The following RIMS2 variants were observed in gnomAD, a reference collection of about 807,000 sequenced individuals.
The protein encoded by RIMS2 is regulating synaptic membrane exocytosis 2, also known as regulating synaptic membrane exocytosis protein 2.
Under a neutral mutation model 174.4 loss-of-function variants are expected in RIMS2, and 59 were observed. That is an observed-to-expected ratio of 0.34 (90% CI 0.27 to 0.42). The LOEUF (loss-of-function observed/expected upper bound fraction) is 0.42. RIMS2 is among the 10% of genes least tolerant of loss of function. RIMS2 has a pLI of 1.00. For synonymous variants in RIMS2, 606 were observed against 572.5 expected (o/e 1.06, Z -0.84); for missense variants, 1,620 against 1,666.3 (o/e 0.97, Z 0.48).
At chr8:104,247,570 T>C (rs182199363) in intron 20 of RIMS2, among the ~76,000 whole-genome samples, 152 of 152,240 alleles carry the variant, frequency 1.0e-3, no homozygotes, top group Admixed American at 8.8e-3. Context: ...ATTCAGTCCA[T>C]AACAGAGAGG....
intron 3 of RIMS2, among the ~76,000 whole-genome samples, chr8:103,775,090 G>A (rs527663397): frequency 9.2e-5 from 14 of 152,038 alleles, no homozygotes; most frequent in Admixed American, 9.2e-4. Context: ...TATATTTATA[G>A]AATGCTGATA....
chr8:103,921,821 A>G (rs766623507), intron 10 of RIMS2, 37 bp downstream of exon 13: 2 of 776,868 alleles, frequency 2.6e-6, no homozygotes, highest in Non-Finnish European at 4.5e-6. Flanking sequence ...TTTTTGGAAT[A>G]TCAAATAGTG....
At chr8:103,582,128 G>A (rs776944852) in intron 1 of RIMS2, among the ~76,000 whole-genome samples, 2 of 152,024 alleles carry the variant, frequency 1.3e-5, no homozygotes, top group Non-Finnish European at 2.9e-5. Flanking sequence ...TCAGAGTTGC[G>A]AGGTCCCTGT....
In RIMS2 at chr8:103,918,440, G is replaced by T; in HGVS notation, c.2037-1G>T. The T allele has an allele frequency of 6.4e-7, 1 of 1,552,830 alleles. No individual in the cohort carries two copies. The highest frequency in any genetic ancestry group is 8.7e-7 in the Non-Finnish European group (1 of 1,146,512). ...TTTCTTTTTTTTTTTAATCATTTCA[G>T]AGATATACCGCGAATACCTGATAGC... On this transcript the variant is annotated splice_acceptor_variant, in intron 8 of 23. Coordinates refer to ENST00000504942, the Ensembl canonical transcript of RIMS2. LOFTEE classifies it high-confidence loss of function.
chr8:104,090,976 A>G (rs751159109), intron 19 of RIMS2, among the ~76,000 whole-genome samples: 1 of 151,824 alleles, frequency 6.6e-6, no homozygotes, highest in Non-Finnish European at 1.5e-5. Context: ...CATCATCATT[A>G]TCTTTGTCAT....
chr8:104,218,099 T>C (rs2099138980), intron 19 of RIMS2, among the ~76,000 whole-genome samples: 1 of 152,188 alleles, frequency 6.6e-6, no homozygotes. Flanking sequence ...AATCCTCCTA[T>C]TACCAAGAAC....
At chr8:104,202,029 C>T (rs1370139715) in intron 19 of RIMS2, among the ~76,000 whole-genome samples, 1 of 152,072 alleles carries the variant, frequency 6.6e-6, no homozygotes, top group East Asian at 1.9e-4. Flanking sequence ...TCCTTAGAAG[C>T]AAATCAGTGA....
intron 3 of RIMS2, among the ~76,000 whole-genome samples, chr8:103,809,049 T>G (rs2098669330): frequency 6.6e-6 from 1 of 152,190 alleles, no homozygotes. Flanking sequence ...TCTCAACAGT[T>G]TTCCATGCTC....
At chr8:104,059,083 T>G (rs2096927841) in intron 19 of RIMS2, among the ~76,000 whole-genome samples, 2 of 151,312 alleles carry the variant, frequency 1.3e-5, no homozygotes, top group Non-Finnish European at 2.9e-5. Flanking sequence ...AACTTTAAAG[T>G]AGTTTTTTCC....
At chr8:104,223,571 C>T (rs2099166668) in intron 19 of RIMS2, 8 of 1,464,464 alleles carry the variant, frequency 5.5e-6, no homozygotes, top group South Asian at 1.4e-5. Context: ...CCACTGGTCC[C>T]GGAACCGCTG....
chr8:103,974,052 C>T (rs1443345201), intron 15 of RIMS2, among the ~76,000 whole-genome samples: 1 of 152,124 alleles, frequency 6.6e-6, no homozygotes, highest in Non-Finnish European at 1.5e-5. Context: ...TCAGACCAAC[C>T]CTGGGCAATT....
intron 17 of RIMS2, among the ~76,000 whole-genome samples, chr8:103,992,274 ATTT>A (rs1186537194): frequency 0.14 from 15,543 of 107,268 alleles, 1,101 homozygotes; most frequent in Non-Finnish European, 0.2. Flanking sequence ...ATGTCCAGCT[ATTT>A]TTTTTTTTTT....
At chr8:103,550,580 G>A (rs185080241) in intron 1 of RIMS2, among the ~76,000 whole-genome samples, 2 of 152,182 alleles carry the variant, frequency 1.3e-5, no homozygotes, top group African/African-American at 4.8e-5. Flanking sequence ...TCAAAAGCTA[G>A]CAGAAGGCAA....
chr8:103,631,136 T>C (rs1433024155), intron 1 of RIMS2, among the ~76,000 whole-genome samples: 1 of 152,264 alleles, frequency 6.6e-6, no homozygotes, highest in African/African-American at 2.4e-5. Flanking sequence ...TAGATCCCAT[T>C]TGTCAATTTT....
Position 103,917,319 on chromosome 8 carries a change from T to G in RIMS2, c.2036+782T>G, listed in dbSNP as rs374143653. ...GGAAATGATGGGCCTGTATTATTTT[T>G]ATCTCTTTTTTAAAAATGCTGAAGA... On this transcript the variant is annotated intron_variant, in intron 8 of 23. Coordinates refer to ENST00000504942, the Ensembl canonical transcript of RIMS2. Among the ~76,000 whole-genome samples, 54 of 152,326 alleles carry G rather than the reference T, an allele frequency of 3.5e-4. 1 individual carries two copies. Among genetic ancestry groups the G allele is most frequent in the African/African-American group, 1.3e-3 (52 of 41,592 alleles).
At chr8:103,839,936 C>T (rs1210033659) in intron 3 of RIMS2, among the ~76,000 whole-genome samples, 1 of 152,192 alleles carries the variant, frequency 6.6e-6, no homozygotes, top group Non-Finnish European at 1.5e-5. Flanking sequence ...TAACACCGGA[C>T]TGTGTTTCTT....
chr8:103,940,302 G>C (rs2082236532), intron 13 of RIMS2, among the ~76,000 whole-genome samples: 1 of 152,156 alleles, frequency 6.6e-6, no homozygotes, highest in African/African-American at 2.4e-5. Context: ...CAAAGAGAGA[G>C]AGAACTTGTG....
chr8:104,238,787 AT>A (rs1404462993), intron 19 of RIMS2, among the ~76,000 whole-genome samples: 1 of 152,306 alleles, frequency 6.6e-6, no homozygotes, highest in South Asian at 2.1e-4. Context: ...ATTGTAATGC[AT>A]TTTTTAATAT....
At chr8:103,837,237 A>G (rs962835383) in intron 3 of RIMS2, among the ~76,000 whole-genome samples, 3 of 152,184 alleles carry the variant, frequency 2.0e-5, no homozygotes, top group Non-Finnish European at 2.9e-5. Context: ...TAGCATTGGC[A>G]CTTATCTGAA....
Sources: allele counts gnomAD v4.1 joint callset (sites outside exome capture counted in the v4.1 genomes callset), GRCh38; gene constraint gnomAD v4.1.1; transcripts MANE v1.5; gene names NCBI Gene and HGNC (gene_info 2026-07-23, HGNC 2026-07-21).